Variants in EGFR observed in about 807,000 individuals in gnomAD.
EGFR encodes avian erythroblastic leukemia viral (v-erb-b) oncogene homolog.
Under a neutral mutation model 143.0 loss-of-function variants are expected in EGFR, and 58 were observed. The observed-to-expected ratio is 0.41, with a 90% CI of 0.33 to 0.50. The LOEUF (loss-of-function observed/expected upper bound fraction) is 0.50, where lower values mean the gene tolerates loss of function less well. Among genes scored for constraint, EGFR ranks in the 20% least tolerant of loss-of-function variants. The pLI, the probability that EGFR is intolerant of heterozygous loss-of-function variation, is 0.39. For missense variants in EGFR, 1,307 were observed against 1,579.0 expected (o/e 0.83, Z 2.92); for synonymous variants, 613 against 594.4 (o/e 1.03, Z -0.45).
intron 1 of EGFR, among the ~76,000 whole-genome samples, chr7:55,098,481 A>C (rs1371362941): frequency 6.6e-6 from 1 of 152,140 alleles, no homozygotes; most frequent in East Asian, 1.9e-4. Flanking sequence ...AAACTTTACT[A>C]TATGTTGTTA....
intron 22 of EGFR, 81 bp from the exon 23 acceptor site, chr7:55,198,636 C>T (rs1787720102): frequency 6.3e-7 from 1 of 1,594,840 alleles, no homozygotes; most frequent in Non-Finnish European, 8.6e-7. Flanking sequence ...GAAACAGTAA[C>T]CAGTAATGAT....
intron 1 of EGFR, among the ~76,000 whole-genome samples, chr7:55,086,733 C>T (rs890446194): frequency 6.6e-6 from 1 of 152,156 alleles, no homozygotes; most frequent in African/African-American, 2.4e-5. Context: ...TGTGATGTGG[C>T]GGCAGCTGGC....
At chr7:55,204,882 C>T (rs1788047191) in intron 27 of EGFR, among the ~76,000 whole-genome samples, 1 of 150,764 alleles carries the variant, frequency 6.6e-6, no homozygotes, top group Admixed American at 6.6e-5. Context: ...TACAAATATA[C>T]ACCACACACA....
chr7:55,086,871 C>T (rs1164955215), intron 1 of EGFR, among the ~76,000 whole-genome samples: 1 of 152,186 alleles, frequency 6.6e-6, no homozygotes, highest in Non-Finnish European at 1.5e-5. Flanking sequence ...TTTCTCCACC[C>T]CCTCGTGCCT....
intron 1 of EGFR, among the ~76,000 whole-genome samples, chr7:55,061,339 T>G (rs966012235): frequency 5.3e-5 from 8 of 152,160 alleles, no homozygotes; most frequent in South Asian, 4.1e-4. Flanking sequence ...CAAATGTGGG[T>G]AGCTTTTCTT....
chr7:55,117,388 G>C (rs894834960), intron 1 of EGFR, among the ~76,000 whole-genome samples: 4 of 152,074 alleles, frequency 2.6e-5, no homozygotes, highest in East Asian at 1.9e-4. Flanking sequence ...TTCCCGGGGT[G>C]GGGGGGACCC....
intron 1 of EGFR, among the ~76,000 whole-genome samples, chr7:55,027,992 ATATATATATATAT>A (rs1432345563): frequency 8.9e-5 from 4 of 44,694 alleles, no homozygotes; most frequent in East Asian, 1.5e-3. Flanking sequence ...AAAAAAAAAA[ATATATATATATAT>A]ATATATATAT....
chr7:55,019,695 G>T (rs1369650875), intron 1 of EGFR, among the ~76,000 whole-genome samples: 1 of 152,136 alleles, frequency 6.6e-6, no homozygotes. Flanking sequence ...GCGCAGGATC[G>T]GCGTCAGTGG....
intron 1 of EGFR, among the ~76,000 whole-genome samples, chr7:55,043,252 CTCA>C (rs1455498079): frequency 6.6e-6 from 1 of 152,194 alleles, no homozygotes; most frequent in Non-Finnish European, 1.5e-5. Flanking sequence ...CAATCCTGTC[CTCA>C]TCTCACCTGG....
intron 15 of EGFR, chr7:55,170,414 C>T (rs1275228647): frequency 6.2e-7 from 1 of 1,614,176 alleles, no homozygotes; most frequent in Non-Finnish European, 8.5e-7. Flanking sequence ...AGCCCAGCTG[C>T]TCAGGAGTCA....
intron 1 of EGFR, among the ~76,000 whole-genome samples, chr7:55,057,964 T>A (rs1040218959): frequency 1.3e-5 from 2 of 152,254 alleles, no homozygotes; most frequent in East Asian, 1.9e-4. Context: ...GTGTTAGTTT[T>A]TGTTATTAGC....
At chr7:55,087,407 C>T (rs1440228900) in intron 1 of EGFR, among the ~76,000 whole-genome samples, 1 of 152,028 alleles carries the variant, frequency 6.6e-6, no homozygotes, top group Non-Finnish European at 1.5e-5. Flanking sequence ...TCAGGCCCTG[C>T]GTAGGGCCTA....
At chr7:55,112,021 A>C (rs756140423) in intron 1 of EGFR, among the ~76,000 whole-genome samples, 6 of 151,958 alleles carry the variant, frequency 3.9e-5, no homozygotes, top group Non-Finnish European at 7.4e-5. Flanking sequence ...CTGGGACTGG[A>C]ACTCCTGGCG....
chr7:55,096,398 A>C (rs1218563260), intron 1 of EGFR, among the ~76,000 whole-genome samples: 2 of 152,216 alleles, frequency 1.3e-5, no homozygotes, highest in Admixed American at 6.5e-5. Flanking sequence ...CGGCCTGTGG[A>C]CTAGACCTCT....
intron 1 of EGFR, among the ~76,000 whole-genome samples, chr7:55,042,141 G>A (rs1165588174): frequency 3.9e-5 from 6 of 152,180 alleles, no homozygotes; most frequent in Non-Finnish European, 8.8e-5. Flanking sequence ...GTGATTTTAA[G>A]TGCCTGATAA....
chr7:55,182,854 G>A (rs781439376), intron 20 of EGFR, among the ~76,000 whole-genome samples: 2 of 152,160 alleles, frequency 1.3e-5, no homozygotes, highest in Admixed American at 1.3e-4. Context: ...TTAGACAGTG[G>A]TCCTGGGAGA....
chr7:55,061,251 T>A (rs1789148278), intron 1 of EGFR, among the ~76,000 whole-genome samples: 1 of 152,190 alleles, frequency 6.6e-6, no homozygotes, highest in Admixed American at 6.5e-5. Flanking sequence ...GTGTTGCAAT[T>A]CAGCTTTCAG....
In EGFR at chr7:55,056,484, A is replaced by T. The variant is rs111799772; in HGVS notation, c.88+37119A>T. On this transcript the variant is annotated intron_variant, in intron 1 of 27. Coordinates refer to ENST00000275493, the MANE Select transcript of EGFR (RefSeq NM_005228.5). The stretch of plus-strand genomic sequence containing the variant: ...ATGATAGAATTTTACTCATTTGCCA[A>T]CTGCGGTTCCCATTTCACATATTGT... Among the ~76,000 whole-genome samples the T allele has an allele frequency of 4.2e-3, 638 of 152,354 alleles. 4 individuals are homozygous for T. The highest frequency in any genetic ancestry group is 7.7e-3 in the Non-Finnish European group (523 of 68,030).
At chr7:55,101,679 T>C (rs903431892) in intron 1 of EGFR, among the ~76,000 whole-genome samples, 1 of 152,210 alleles carries the variant, frequency 6.6e-6, no homozygotes, top group Non-Finnish European at 1.5e-5. Context: ...ATGACCTGCA[T>C]TTAGGAGTAA....
Sources: allele counts gnomAD v4.1 joint callset (sites outside exome capture counted in the v4.1 genomes callset), GRCh38; gene constraint gnomAD v4.1.1; transcripts MANE v1.5; gene names NCBI Gene and HGNC (gene_info 2026-07-23, HGNC 2026-07-21).